MARCKS: variants seen among roughly 807,000 people sequenced by gnomAD.
The protein encoded by MARCKS is myristoylated alanine rich protein kinase C substrate.
A neutral mutation model predicts 6.3 loss-of-function variants in MARCKS; 4 were observed. That is an observed-to-expected ratio of 0.63 (90% CI 0.31 to 1.45). The LOEUF (loss-of-function observed/expected upper bound fraction) is 1.45, where lower values mean the gene tolerates loss of function less well. Ranked by LOEUF, MARCKS falls within the 40% of genes most tolerant of loss-of-function variation. The pLI, the probability that MARCKS is intolerant of heterozygous loss-of-function variation, is 0.07. For synonymous variants in MARCKS, 289 were observed against 236.5 expected, an observed-to-expected ratio of 1.22 and a Z score of -2.04; for missense variants, 636 against 485.7, an observed-to-expected ratio of 1.31 and a Z score of -2.91.
chr6:113,859,372 G>A (rs1200327072), intron 1 of MARCKS, among the ~76,000 whole-genome samples: 7 of 152,232 alleles, frequency 4.6e-5, no homozygotes, highest in Non-Finnish European at 1.5e-5. Flanking sequence ...GGGCTGGCAT[G>A]GTTAGCCTTT....
intron 1 of MARCKS, among the ~76,000 whole-genome samples, chr6:113,858,644 G>A (rs1272003766): frequency 6.6e-6 from 1 of 152,216 alleles, no homozygotes; most frequent in East Asian, 1.9e-4. Context: ...CCGGACCCAG[G>A]CAGATAGCCA....
chr6:113,858,771 G>A (rs1309122312), intron 1 of MARCKS, among the ~76,000 whole-genome samples: 4 of 152,242 alleles, frequency 2.6e-5, no homozygotes, highest in Non-Finnish European at 5.9e-5. Context: ...TAACCTACTG[G>A]GGAAAGCGAG....
chr6:113,859,910 A>AGGCGAGGCT lies in MARCKS; in HGVS notation c.332_340dup (p.Gly111_Ala113dup). ...CGGTAGAGAAGGAGGCCCCCGCGGA[A>AGGCGAGGCT]GGCGAGGCTGCCGAGCCCGGCTCGC... On this transcript the variant is annotated inframe_insertion, in exon 2 of 2. Transcript: ENST00000612661. 6.9e-7 allele frequency: 1 copy of AGGCGAGGCT among 1,451,970 alleles called. No individual in the cohort carries two copies. Among genetic ancestry groups the AGGCGAGGCT allele is most frequent in the Non-Finnish European group, 9.0e-7 (1 of 1,105,774 alleles). 89.9% of individuals were successfully genotyped at this position (1,451,970 alleles called of 1,614,324 possible).
rs1161820155 is a variant in MARCKS, at chr6:113,860,448, C to T, written c.868C>T (p.Pro290Ser). 1 of 1,247,584 alleles carries T rather than the reference C, an allele frequency of 8.0e-7. No homozygotes were observed. Among genetic ancestry groups the T allele is most frequent in the East Asian group, 3.8e-5 (1 of 26,192 alleles). The allele number at this position is 1,247,584 out of a possible 1,614,324, so 77.3% of individuals were successfully genotyped here. A position where few individuals can be genotyped will look rare whatever the true frequency, so the allele number is the denominator to read the frequency against. ...CCCCTCCGCCGCCGGGCCCGGCGCGCCCCCGGAGCAGGAGGCAGCCCCCGC... is the reference window on the plus strand; with the variant it reads ...CCCCTCCGCCGCCGGGCCCGGCGCGTCCCCGGAGCAGGAGGCAGCCCCCGC... ...EAPSAAGPGA[P>S]PEQEAAPAEE... is the part of the protein sequence containing the mutation. Residue 290 changes from proline (P) to serine (S), a missense_variant, in exon 2 of 2, where the codon CCC becomes TCC. Transcript: ENST00000612661.
At position 113,860,291 on chromosome 6, in the gene MARCKS, CA is replaced by C; in HGVS notation, c.713del (p.Lys238SerfsTer131). The C allele has an allele frequency of 8.0e-7, 1 of 1,254,954 alleles. No homozygotes were observed. Among genetic ancestry groups the C allele is most frequent in the Non-Finnish European group, 1.0e-6 (1 of 975,086 alleles). 77.7% of individuals were successfully genotyped at this position (1,254,954 alleles called of 1,614,324 possible). ...CGGCGGGTGGCGACCCGCAGGAGGC[CA>C]AGCCCCAGGAGGCCGCTGTCGCGCC... ...GAAGGDPQEA[K>X]PQEAAVAPEK... On this transcript the variant is annotated frameshift_variant, in exon 2 of 2. Transcript: ENST00000612661. LOFTEE classifies it low-confidence loss of function (END_TRUNC).
In MARCKS at chr6:113,860,517, C is replaced by T; in HGVS notation, c.937C>T (p.Pro313Ser). ...CGCAGCCTCGTCAGCCTGCGCAGCC[C>T]CCTCACAGGAGGCCCAGCCCGAGTG... is the stretch of plus-strand genomic sequence containing the variant. Reference protein sequence around the residue: ...AAAASSACAAPSQEAQPECSP... With the variant: ...AAAASSACAASSQEAQPECSP... The change falls in exon 2 of 2, where the codon CCC (proline) becomes TCC (serine). Residue 313 changes from proline to serine, a missense_variant. By Grantham distance (74) the Pro-to-Ser change is moderately conservative. Transcript: ENST00000612661. The T allele has an allele frequency of 1.9e-6, 3 of 1,548,060 alleles. No homozygotes were observed. Among genetic ancestry groups the T allele is most frequent in the Non-Finnish European group, 2.6e-6 (3 of 1,151,086 alleles).
Position 113,857,597 on chromosome 6 carries a change from A to AC in MARCKS, c.-147dup. On this transcript the variant is annotated 5_prime_UTR_variant, in exon 1 of 2. Coordinates refer to ENST00000612661, the MANE Select transcript of MARCKS (RefSeq NM_002356.7). ...TAATCGGTTCTGTTCTGTCCTCTCC[A>AC]CCACCCCCACCCCCCTCCCTCCGGT... 4.7e-6 allele frequency: 1 copy of AC among 213,424 alleles called. No individual in the cohort carries two copies. Among genetic ancestry groups the AC allele is most frequent in the South Asian group, 2.9e-5 (1 of 34,158 alleles). 13.2% of individuals were successfully genotyped at this position (213,424 alleles called of 1,614,324 possible).
At position 113,857,476 on chromosome 6, in the gene MARCKS, CT is replaced by C. The variant is rs1258551886; in HGVS notation, c.-263del. 2.1e-5 allele frequency: 9 copies of C among 437,964 alleles called. No homozygotes were observed. Among genetic ancestry groups the C allele is most frequent in the South Asian group, 2.6e-5 (1 of 38,328 alleles). 27.1% of individuals were successfully genotyped at this position (437,964 alleles called of 1,614,324 possible). ...TTTTTTTCGAACTACACTTGGGCTCCTTTTTTTGTGCTCGACTTTTCCACCC... is the reference window on the plus strand; with the variant it reads ...TTTTTTTCGAACTACACTTGGGCTCCTTTTTTGTGCTCGACTTTTCCACCC... On this transcript the variant is annotated 5_prime_UTR_variant, in exon 1 of 2. Coordinates refer to ENST00000612661, the MANE Select transcript of MARCKS (RefSeq NM_002356.7).
Position 113,857,404 on chromosome 6 carries a change from C to G in MARCKS, c.-342C>G. 3.9e-6 allele frequency: 1 copy of G among 255,876 alleles called. No homozygotes were observed. The highest frequency in any genetic ancestry group is 4.1e-5 in the South Asian group (1 of 24,238). The allele number at this position is 255,876 out of a possible 1,614,324, so 15.9% of individuals were successfully genotyped here. A position where few individuals can be genotyped will look rare whatever the true frequency, so the allele number is the denominator to read the frequency against. On this transcript the variant is annotated 5_prime_UTR_variant, in exon 1 of 2. Coordinates refer to ENST00000612661, the MANE Select transcript of MARCKS (RefSeq NM_002356.7). The stretch of plus-strand genomic sequence containing the variant: ...ACCAGGGAGATTTCTCCATTTTCCT[C>G]TTGTCTACAGTGCGGCTACAAATCT...
In MARCKS at chr6:113,860,538, G is replaced by A; in HGVS notation, c.958G>A (p.Glu320Lys). The change falls in exon 2 of 2, where the codon GAG becomes AAG. Residue 320 changes from glutamate (E) to lysine (K), a missense_variant. Physicochemically the swap from Glu to Lys is moderately conservative, Grantham distance 56 (BLOSUM62 1). Coordinates refer to ENST00000612661, the MANE Select transcript of MARCKS (RefSeq NM_002356.7). ...CAAPSQEAQP[E>K]CSPEAPPAEA... ...AGCCCCCTCACAGGAGGCCCAGCCC[G>A]AGTGCAGTCCAGAAGCCCCCCCAGC... 6.4e-7 allele frequency: 1 copy of A among 1,561,058 alleles called. No homozygotes were observed. The highest frequency in any genetic ancestry group is 1.2e-5 in the South Asian group (1 of 86,794).
Position 113,857,825 on chromosome 6 carries a change from C to T in MARCKS, c.80C>T (p.Ser27Leu), listed in dbSNP as rs1774811278. The change falls in exon 1 of 2, where the codon TCG becomes TTG. Residue 27 changes from serine to leucine, a missense_variant. Coordinates refer to ENST00000612661, the MANE Select transcript of MARCKS (RefSeq NM_002356.7). ...CCTGGGGAGGCGGCTGTGGCCTCGTCGCCTTCCAAAGCGAACGGACAGGTA... is the reference window on the plus strand; with the variant it reads ...CCTGGGGAGGCGGCTGTGGCCTCGTTGCCTTCCAAAGCGAACGGACAGGTA... Reference protein sequence around the residue: ...ERPGEAAVASSPSKANGQENG... With the variant: ...ERPGEAAVASLPSKANGQENG... 1 of 1,604,942 alleles carries T rather than the reference C, an allele frequency of 6.2e-7. No individual in the cohort carries two copies. The highest frequency in any genetic ancestry group is 2.2e-5 in the East Asian group (1 of 44,638).
In MARCKS at chr6:113,863,170, A is replaced by T. The variant is rs1774929343; in HGVS notation, c.*2591A>T. 1.3e-5 allele frequency: 2 copies of T among 152,176 alleles called. No individual in the cohort carries two copies. The highest frequency in any genetic ancestry group is 2.4e-5 in the African/African-American group (1 of 41,450). 9.4% of individuals were successfully genotyped at this position (152,176 alleles called of 1,614,324 possible). On this transcript the variant is annotated 3_prime_UTR_variant, in exon 2 of 2. Coordinates refer to ENST00000612661, the MANE Select transcript of MARCKS (RefSeq NM_002356.7). ...AAAACACTTTGGGTGGTATTGATGG[A>T]GTTGGTGGATTTTCCTCCAAGTGAT...
rs1774801883 is a variant in MARCKS, at chr6:113,857,432, GA to G, written c.-313del. 1 of 316,226 alleles carries G rather than the reference GA, an allele frequency of 3.2e-6. No homozygotes were observed. Among genetic ancestry groups the G allele is most frequent in the Non-Finnish European group, 5.9e-6 (1 of 169,304 alleles). 19.6% of individuals were successfully genotyped at this position (316,226 alleles called of 1,614,324 possible). A position where few individuals can be genotyped will look rare whatever the true frequency, so the allele number is the denominator to read the frequency against. On this transcript the variant is annotated 5_prime_UTR_variant, in exon 1 of 2. Transcript: ENST00000612661. ...GTCTACAGTGCGGCTACAAATCTGG[GA>G]TTTTTTTATTACTTCTTTTTTTTTC...
At chr6:113,859,627 G>C in intron 1 of MARCKS, 56 bp from the exon 2 acceptor site, 1 of 1,407,038 alleles carries the variant, frequency 7.1e-7, no homozygotes, top group Non-Finnish European at 9.4e-7. Context: ...GGCTGGGGGC[G>C]GGAATGGCGG....
chr6:113,860,417 C>T lies in MARCKS; in HGVS notation c.837C>T (p.Cys279=), dbSNP rs1290430019. ...AEEAGASAAA[C]EAPSAAGPGA... ...AGGCCGGGGCCAGCGCCGCCGCCTG[C>T]GAGGCCCCCTCCGCCGCCGGGCCCG... is the stretch of plus-strand genomic sequence containing the variant. The change falls in exon 2 of 2, where the codon TGC becomes TGT. Residue 279 remains cysteine (C), a synonymous_variant. Transcript: ENST00000612661. 3 of 1,150,614 alleles carry T rather than the reference C, an allele frequency of 2.6e-6. No individual in the cohort carries two copies. The highest frequency in any genetic ancestry group is 3.2e-6 in the Non-Finnish European group (3 of 924,896). 71.3% of individuals were successfully genotyped at this position (1,150,614 alleles called of 1,614,324 possible). A position where few individuals can be genotyped will look rare whatever the true frequency, so the allele number is the denominator to read the frequency against.
chr6:113,857,923 TTC>T (rs1774813317), intron 1 of MARCKS, 76 bp downstream of exon 1: 3 of 1,207,348 alleles, frequency 2.5e-6, no homozygotes, highest in Middle Eastern at 2.5e-4. Context: ...CCAAGGCTCA[TTC>T]GTGGAGAGGA....
At position 113,860,442 on chromosome 6, in the gene MARCKS, G is replaced by C; in HGVS notation, c.862G>C (p.Gly288Arg). 1 of 1,196,558 alleles carries C rather than the reference G, an allele frequency of 8.4e-7. No individual in the cohort carries two copies. The allele number at this position is 1,196,558 out of a possible 1,614,324, so 74.1% of individuals were successfully genotyped here. A position where few individuals can be genotyped will look rare whatever the true frequency, so the allele number is the denominator to read the frequency against. ...ACEAPSAAGP[G>R]APPEQEAAPA... ...CGAGGCCCCCTCCGCCGCCGGGCCCGGCGCGCCCCCGGAGCAGGAGGCAGC... is the reference window on the plus strand; with the variant it reads ...CGAGGCCCCCTCCGCCGCCGGGCCCCGCGCGCCCCCGGAGCAGGAGGCAGC... Residue 288 changes from glycine (G) to arginine (R), a missense_variant, in exon 2 of 2, where the codon GGC (glycine) becomes CGC (arginine). By Grantham distance (125) the Gly-to-Arg change is moderately radical. Transcript: ENST00000612661.
In MARCKS at chr6:113,857,818, G is replaced by T. The variant is rs753805489; in HGVS notation, c.73G>T (p.Ala25Ser). 35 of 1,605,752 alleles carry T rather than the reference G, an allele frequency of 2.2e-5. No individual in the cohort carries two copies. The East Asian group carries it at 6.9e-4, about 32-fold the overall frequency. ...GGAGAGGCCTGGGGAGGCGGCTGTG[G>T]CCTCGTCGCCTTCCAAAGCGAACGG... ...AAERPGEAAV[A>S]SSPSKANGQE... The change falls in exon 1 of 2, where the codon GCC becomes TCC. Residue 25 changes from alanine (A) to serine (S), a missense_variant. By Grantham distance (99) the Ala-to-Ser change is moderately conservative. Transcript: ENST00000612661.
rs1774799493 is a variant in MARCKS, at chr6:113,857,348, C to G, written c.-398C>G. 1 of 199,262 alleles carries G rather than the reference C, an allele frequency of 5.0e-6. No homozygotes were observed. The highest frequency in any genetic ancestry group is 1.0e-5 in the Non-Finnish European group (1 of 97,528). The allele number at this position is 199,262 out of a possible 1,614,324, so 12.3% of individuals were successfully genotyped here. On this transcript the variant is annotated 5_prime_UTR_variant, in exon 1 of 2. Coordinates refer to ENST00000612661, the MANE Select transcript of MARCKS (RefSeq NM_002356.7). ...GCCCGCGAGCCCATTCATCTGTGCA[C>G]TTGGGCGTTGGACCCCGCATCTTAT...
Sources: allele counts gnomAD v4.1 joint callset (sites outside exome capture counted in the v4.1 genomes callset), GRCh38; gene constraint gnomAD v4.1.1; transcripts MANE v1.5; gene names NCBI Gene and HGNC (gene_info 2026-07-23, HGNC 2026-07-21).